The following LRRC4C variants were observed in gnomAD, a reference collection of about 807,000 sequenced individuals.
LRRC4C encodes leucine rich repeat containing 4C.
LRRC4C carries 5 observed loss-of-function variants against 33.6 expected under a neutral mutation model. That is an observed-to-expected ratio of 0.15 (90% CI 0.08 to 0.31). The LOEUF (loss-of-function observed/expected upper bound fraction) is 0.31, where lower values mean the gene tolerates loss of function less well. Ranked by LOEUF, LRRC4C falls within the 10% of genes least tolerant of loss-of-function variation. LRRC4C has a pLI of 1.00. For missense variants in LRRC4C, 560 were observed against 796.7 expected (o/e 0.70, Z 3.58); for synonymous variants, 329 against 302.0 (o/e 1.09, Z -0.93).
intron 2 of LRRC4C, among the ~76,000 whole-genome samples, chr11:40,753,444 C>A (rs968607459): frequency 1.3e-4 from 20 of 151,026 alleles, no homozygotes; most frequent in East Asian, 9.8e-4. Flanking sequence ...ACATAAAAAA[C>A]CAATATATGC....
chr11:40,438,428 T>C (rs992657078), intron 3 of LRRC4C, among the ~76,000 whole-genome samples: 9 of 152,244 alleles, frequency 5.9e-5, no homozygotes, highest in Non-Finnish European at 1.3e-4. Context: ...ATTCATACTC[T>C]AAATTTACTC....
At chr11:41,450,086 C>A (rs1372125346) in intron 1 of LRRC4C, among the ~76,000 whole-genome samples, 1 of 152,036 alleles carries the variant, frequency 6.6e-6, no homozygotes, top group Non-Finnish European at 1.5e-5. Context: ...AGAGAGTGGC[C>A]TTTTTGTCAA....
At chr11:40,528,096 A>T (rs1308458134) in intron 3 of LRRC4C, among the ~76,000 whole-genome samples, 1 of 152,210 alleles carries the variant, frequency 6.6e-6, no homozygotes, top group Admixed American at 6.5e-5. Context: ...CATGGGAAGA[A>T]TATAAATAAC....
chr11:41,139,433 G>A (rs552841344), intron 1 of LRRC4C, among the ~76,000 whole-genome samples: 133 of 152,300 alleles, frequency 8.7e-4, no homozygotes, highest in Non-Finnish European at 1.7e-3. Flanking sequence ...AATTGGCTAT[G>A]AGCAAAATGG....
At chr11:40,148,009 C>T (rs1484918794) in intron 5 of LRRC4C, among the ~76,000 whole-genome samples, 1 of 152,152 alleles carries the variant, frequency 6.6e-6, no homozygotes, top group Non-Finnish European at 1.5e-5. Context: ...GTTTTCTGTT[C>T]CTGTGCTACT....
chr11:40,865,755 C>G (rs7122278), intron 2 of LRRC4C, among the ~76,000 whole-genome samples: 74 of 151,496 alleles, frequency 4.9e-4, no homozygotes, highest in Admixed American at 4.9e-3. Context: ...AGAGCATAAA[C>G]CTTTGGGTAA....
intron 1 of LRRC4C, among the ~76,000 whole-genome samples, chr11:41,401,287 G>A (rs1019564627): frequency 6.6e-6 from 1 of 151,866 alleles, no homozygotes; most frequent in Non-Finnish European, 1.5e-5. Flanking sequence ...CACATTTCAA[G>A]TGCTCATTAG....
chr11:40,810,514 G>C (rs569582483), intron 2 of LRRC4C, among the ~76,000 whole-genome samples: 1 of 152,188 alleles, frequency 6.6e-6, no homozygotes, highest in South Asian at 2.1e-4. Context: ...TTCTCTTGAG[G>C]TTAGACTCAT....
At chr11:41,062,948 A>T (rs978054104) in intron 1 of LRRC4C, among the ~76,000 whole-genome samples, 11 of 152,134 alleles carry the variant, frequency 7.2e-5, no homozygotes, top group African/African-American at 2.4e-4. Flanking sequence ...AGAGAGAGAG[A>T]GAGTGAGCCT....
chr11:40,938,613 C>T (rs1336864967), intron 1 of LRRC4C, among the ~76,000 whole-genome samples: 1 of 152,150 alleles, frequency 6.6e-6, no homozygotes, highest in African/African-American at 2.4e-5. Flanking sequence ...ATAAACATGA[C>T]ATTTCCAAAA....
intron 2 of LRRC4C, among the ~76,000 whole-genome samples, chr11:40,771,193 C>T (rs772823837): frequency 2.6e-5 from 4 of 152,190 alleles, no homozygotes; most frequent in Non-Finnish European, 4.4e-5. Context: ...GACAGAAGTT[C>T]CCAAACCTCA....
rs551073232 is a variant in LRRC4C at position 41,351,849 on chromosome 11, C to T, written c.-496+107582G>A. Among the ~76,000 whole-genome samples the T allele has an allele frequency of 3.3e-5, 5 of 152,248 alleles. No homozygotes were observed. In the East Asian group the frequency reaches 9.7e-4, roughly 29 times the overall value. On this transcript the variant is annotated intron_variant, in intron 1 of 6. Coordinates refer to ENST00000528697, the MANE Select transcript of LRRC4C (RefSeq NM_001258419.2). ...ACTAAGAGAGTTTGTTACCATCAGA[C>T]CTGCCATACAAGAGGTCCTTAAGGG...
At chr11:40,723,059 A>C (rs1443914510) in intron 2 of LRRC4C, among the ~76,000 whole-genome samples, 2 of 152,140 alleles carry the variant, frequency 1.3e-5, no homozygotes, top group Admixed American at 1.3e-4. Context: ...ATAAAGAAAA[A>C]ATAAATTTTT....
chr11:40,595,655 G>T (rs1959222468), intron 3 of LRRC4C, among the ~76,000 whole-genome samples: 1 of 151,792 alleles, frequency 6.6e-6, no homozygotes, highest in South Asian at 2.1e-4. Flanking sequence ...AAGATATTAG[G>T]TTTTCTTTCT....
chr11:40,456,306 C>T (rs1162567309), intron 3 of LRRC4C, among the ~76,000 whole-genome samples: 1 of 151,922 alleles, frequency 6.6e-6, no homozygotes, highest in Non-Finnish European at 1.5e-5. Flanking sequence ...TTATTAAATG[C>T]CACAATGCTA....
At chr11:41,077,489 C>T (rs1044288102) in intron 1 of LRRC4C, among the ~76,000 whole-genome samples, 15 of 152,226 alleles carry the variant, frequency 9.9e-5, no homozygotes, top group African/African-American at 3.6e-4. Context: ...CTTGTACCCC[C>T]TGGAGCAATG....
chr11:40,862,939 A>C (rs541322128), intron 2 of LRRC4C, among the ~76,000 whole-genome samples: 5 of 152,312 alleles, frequency 3.3e-5, no homozygotes, highest in Non-Finnish European at 7.3e-5. Flanking sequence ...TGTGGAACAA[A>C]TGATTTCTTC....
chr11:40,844,960 T>G (rs1173756444), intron 2 of LRRC4C, among the ~76,000 whole-genome samples: 3 of 152,122 alleles, frequency 2.0e-5, no homozygotes, highest in African/African-American at 7.2e-5. Context: ...TTTTAATTTT[T>G]CTTAATCAAA....
intron 1 of LRRC4C, among the ~76,000 whole-genome samples, chr11:41,368,163 T>C (rs2137748088): frequency 6.6e-6 from 1 of 152,276 alleles, no homozygotes; most frequent in South Asian, 2.1e-4. Flanking sequence ...CATGGCAAAT[T>C]TCGTTTCCTT....
Sources: allele counts gnomAD v4.1 joint callset (sites outside exome capture counted in the v4.1 genomes callset), GRCh38; gene constraint gnomAD v4.1.1; transcripts MANE v1.5; gene names NCBI Gene and HGNC (gene_info 2026-07-23, HGNC 2026-07-21).